Variants in COL10A1 observed in about 807,000 individuals in gnomAD.
COL10A1 encodes the protein collagen alpha-1(X) chain.
Under a neutral mutation model 18.2 loss-of-function variants are expected in COL10A1, and 10 were observed. The observed-to-expected ratio is 0.55, with a 90% CI of 0.34 to 0.93. The LOEUF (loss-of-function observed/expected upper bound fraction) is 0.93, where lower values mean the gene tolerates loss of function less well. COL10A1 is among the 40% of genes least tolerant of loss of function. The pLI is 0.02. For missense variants in COL10A1, 897 were observed against 853.5 expected, an observed-to-expected ratio of 1.05 and a Z score of -0.64; for synonymous variants, 330 against 316.6, an observed-to-expected ratio of 1.04 and a Z score of -0.45.
the COL10A1 span, among the ~76,000 whole-genome samples, chr6:116,207,239 T>C: frequency 1.3e-5 from 2 of 152,004 alleles, no homozygotes; most frequent in Non-Finnish European, 2.9e-5. Flanking sequence ...AAATGGATCA[T>C]ATGTCTTAAG....
chr6:116,156,456 C>T lies in COL10A1; in HGVS notation c.-16+2158G>A, dbSNP rs1780195680. Among the ~76,000 whole-genome samples the T allele has an allele frequency of 2.6e-5, 4 of 152,024 alleles. No individual in the cohort carries two copies. The South Asian group carries it at 8.3e-4, about 32-fold the overall frequency. On this transcript the variant is annotated intron_variant, in intron 1 of 1. Transcript: ENST00000418500. ...CTTTCACTTAGCTTATTATAGTCTGCCTCATAAGGGATTACTATGCTGTGT... is the reference window on the plus strand; with the variant it reads ...CTTTCACTTAGCTTATTATAGTCTGTCTCATAAGGGATTACTATGCTGTGT...
chr6:116,168,169 G>C, the COL10A1 span, among the ~76,000 whole-genome samples: 2 of 149,920 alleles, frequency 1.3e-5, no homozygotes, highest in African/African-American at 4.9e-5. Flanking sequence ...AAAATTCTGA[G>C]CCATTATCTC....
At chr6:116,133,002 A>G (rs959895651) in intron 1 of COL10A1, among the ~76,000 whole-genome samples, 2 of 152,218 alleles carry the variant, frequency 1.3e-5, no homozygotes, top group African/African-American at 4.8e-5. Context: ...GCATAAAAAC[A>G]GGTGTTTATG....
chr6:116,131,366 T>A (rs559454099), intron 1 of COL10A1, among the ~76,000 whole-genome samples: 2 of 152,226 alleles, frequency 1.3e-5, no homozygotes, highest in East Asian at 3.8e-4. Flanking sequence ...TTTAAAACAT[T>A]GTTTTGATTT....
At chr6:116,156,565 C>A (rs1780200409) in intron 1 of COL10A1, among the ~76,000 whole-genome samples, 2 of 152,002 alleles carry the variant, frequency 1.3e-5, no homozygotes, top group Admixed American at 1.3e-4. Flanking sequence ...GTGCTAATTG[C>A]AGATATATGA....
At chr6:116,133,986 G>A (rs766919238) in intron 1 of COL10A1, among the ~76,000 whole-genome samples, 13 of 152,142 alleles carry the variant, frequency 8.5e-5, no homozygotes, top group Non-Finnish European at 1.8e-4. Flanking sequence ...TAACTTATGA[G>A]TCAAAAATAA....
the COL10A1 span, among the ~76,000 whole-genome samples, chr6:116,166,020 C>T: frequency 3.3e-5 from 5 of 152,130 alleles, no homozygotes; most frequent in Admixed American, 6.5e-5. Context: ...ATCCTAAATC[C>T]GCACTGACAG....
At chr6:116,160,469 G>C (rs1780300438), upstream of COL10A1, among the ~76,000 whole-genome samples, 1 of 151,526 alleles carries the variant, frequency 6.6e-6, no homozygotes, top group African/African-American at 2.4e-5. Flanking sequence ...GAATTTTTGT[G>C]GTTTTTTTTC....
chr6:116,147,998 GT>G lies in COL10A1; in HGVS notation c.-16+10615del, dbSNP rs377639026. On this transcript the variant is annotated intron_variant, in intron 1 of 1. Transcript: ENST00000418500. ...AGACTCTGTCTCAAAAAAAAAAAAG[GT>G]GGGGGGGGTTGGAGGCACCTTGTTG... Among the ~76,000 whole-genome samples, 292 of 151,508 alleles carry G rather than the reference GT, an allele frequency of 1.9e-3. 7 individuals carry two copies. The South Asian group carries it at 0.026, about 14-fold the overall frequency.
intron 2 of COL10A1, among the ~76,000 whole-genome samples, chr6:116,123,812 A>G (rs1319523258): frequency 6.6e-6 from 1 of 152,216 alleles, no homozygotes; most frequent in African/African-American, 2.4e-5. Context: ...TTGTTCTGCA[A>G]AAGTAGCCAA....
the COL10A1 span, among the ~76,000 whole-genome samples, chr6:116,204,294 G>T: frequency 6.6e-6 from 1 of 151,870 alleles, no homozygotes; most frequent in South Asian, 2.1e-4. Context: ...TTGCTTTTTG[G>T]TAATTACTTC....
chr6:116,147,002 T>TAC (rs575745829), intron 1 of COL10A1, among the ~76,000 whole-genome samples: 1 of 147,016 alleles, frequency 6.8e-6, no homozygotes, highest in Non-Finnish European at 1.5e-5. Context: ...TAATATAAAA[T>TAC]ATATATATAT....
chr6:116,123,444 T>A (rs3812112), intron 2 of COL10A1, among the ~76,000 whole-genome samples: 70,878 of 152,118 alleles, frequency 0.47, 18,533 homozygotes, highest in African/African-American at 0.72. Context: ...ACTACTTCCT[T>A]CTATTAAGTT....
chr6:116,201,043 C>G, the COL10A1 span, among the ~76,000 whole-genome samples: 1 of 151,878 alleles, frequency 6.6e-6, no homozygotes, highest in African/African-American at 2.4e-5. Context: ...ACCAACTTGC[C>G]CAGTAGGAGT....
intron 1 of COL10A1, chr6:116,125,765 A>G: frequency 3.1e-6 from 1 of 325,638 alleles, no homozygotes; most frequent in Non-Finnish European, 5.8e-6. Context: ...AGAAATTAGG[A>G]TTGGATGTCT....
At chr6:116,202,052 A>G in the COL10A1 span, among the ~76,000 whole-genome samples, 8 of 151,964 alleles carry the variant, frequency 5.3e-5, no homozygotes, top group African/African-American at 1.9e-4. Flanking sequence ...GCCATTAACC[A>G]CATGTGGCTA....
the COL10A1 span, among the ~76,000 whole-genome samples, chr6:116,207,997 G>A: frequency 1.9e-3 from 294 of 152,064 alleles, no homozygotes; most frequent in Admixed American, 3.1e-3. Context: ...GAAAAACCAG[G>A]TTAGAAGAAA....
At chr6:116,163,380 T>C (rs965852380), upstream of COL10A1, among the ~76,000 whole-genome samples, 22 of 151,894 alleles carry the variant, frequency 1.4e-4, no homozygotes, top group Admixed American at 2.6e-4. Flanking sequence ...AATTTATTTG[T>C]TTCCTCTAAG....
intron 1 of COL10A1, among the ~76,000 whole-genome samples, chr6:116,140,832 C>T (rs990356371): frequency 2.0e-5 from 3 of 152,106 alleles, no homozygotes; most frequent in African/African-American, 7.2e-5. Flanking sequence ...TCATTTTTCA[C>T]TGCTCTGTAG....
Sources: allele counts gnomAD v4.1 joint callset (sites outside exome capture counted in the v4.1 genomes callset), GRCh38; gene constraint gnomAD v4.1.1; transcripts MANE v1.5; gene names NCBI Gene and HGNC (gene_info 2026-07-23, HGNC 2026-07-21).